The following KCNQ1OT1 variants were observed in gnomAD, a reference collection of about 807,000 sequenced individuals.
KCNQ1OT1 encodes the protein KCNQ1 antisense RNA 2 (non-protein coding).
In KCNQ1OT1 at chr11:2,677,355, A is replaced by G. The variant is rs1006035489; in HGVS notation, n.22640T>C. The stretch of plus-strand genomic sequence containing the variant: ...TTCTCAAATAGAGACTGGGCAGAGT[A>G]GACCAGTTAGTTAATCAGTTGAAGA... On this transcript the variant is annotated non_coding_transcript_exon_variant, in exon 1 of 1. Coordinates refer to ENST00000597346, the Ensembl canonical transcript of KCNQ1OT1. This position sits in a 1 kb window ranked among gnomAD's most constrained non-coding sequence, Gnocchi z 4.5. The G allele has an allele frequency of 4.8e-5, 19 of 398,508 alleles. No homozygotes were observed. The highest frequency in any genetic ancestry group is 8.8e-5 in the Admixed American group (2 of 22,712). 24.7% of individuals were successfully genotyped at this position (398,508 alleles called of 1,614,324 possible).
exon 1 of KCNQ1OT1, chr11:2,610,866 C>T (rs2133790725): frequency 2.5e-6 from 1 of 398,116 alleles, no homozygotes; most frequent in East Asian, 3.6e-5. Flanking sequence ...AGCAGAGTGC[C>T]ACATAGCCTC....
Position 2,617,014 on chromosome 11 carries a change from A to G in KCNQ1OT1, n.82981T>C, listed in dbSNP as rs1312065032. The G allele has an allele frequency of 2.5e-6, 1 of 398,078 alleles. No homozygotes were observed. The highest frequency in any genetic ancestry group is 4.4e-5 in the Admixed American group (1 of 22,692). 24.7% of individuals were successfully genotyped at this position (398,078 alleles called of 1,614,324 possible). On this transcript the variant is annotated non_coding_transcript_exon_variant, in exon 1 of 1. Transcript: ENST00000597346. The surrounding 1 kb of genome is among the most constrained non-coding windows in gnomAD (Gnocchi z 4.6). ...TGCATATTTAGTGTATAAAACATAC[A>G]GTTAAATCGTTAACATAGTGATGCA...
chr11:2,696,702 C>T, exon 1 of KCNQ1OT1: 1 of 398,622 alleles, frequency 2.5e-6, no homozygotes, highest in Non-Finnish European at 4.4e-6. Context: ...TAAAATGTCT[C>T]TGCATATGGA....
chr11:2,627,231 A>T lies in KCNQ1OT1; in HGVS notation n.72764T>A, dbSNP rs1849275370. 2.5e-6 allele frequency: 1 copy of T among 398,456 alleles called. No homozygotes were observed. The highest frequency in any genetic ancestry group is 4.4e-6 in the Non-Finnish European group (1 of 226,064). The allele number at this position is 398,456 out of a possible 1,614,324, so 24.7% of individuals were successfully genotyped here. On this transcript the variant is annotated non_coding_transcript_exon_variant, in exon 1 of 1. Coordinates refer to ENST00000597346, the Ensembl canonical transcript of KCNQ1OT1. This position sits in a 1 kb window ranked among gnomAD's most constrained non-coding sequence, Gnocchi z 4.9. ...CAAATTAAAAGTGCATATATTTAAG[A>T]ACATATTTGACCTACTGTGAAATGA...
exon 1 of KCNQ1OT1, chr11:2,629,769 A>AG (rs1203800707): frequency 1.0e-5 from 4 of 398,298 alleles, no homozygotes; most frequent in Non-Finnish European, 1.8e-5. Context: ...CTGAATGCTG[A>AG]TTTTGTATCC....
At chr11:2,696,894 T>TA in exon 1 of KCNQ1OT1, 1 of 398,630 alleles carries the variant, frequency 2.5e-6, no homozygotes, top group East Asian at 3.6e-5. Context: ...TTTTGTTTTT[T>TA]GTTTTGAGTA....
At position 2,669,114 on chromosome 11, in the gene KCNQ1OT1, GCT is replaced by G. The variant is rs1286518404; in HGVS notation, n.30879_30880del. On this transcript the variant is annotated non_coding_transcript_exon_variant, in exon 1 of 1. Coordinates refer to ENST00000597346, the Ensembl canonical transcript of KCNQ1OT1. This position sits in a 1 kb window ranked among gnomAD's most constrained non-coding sequence, Gnocchi z 5.6. ...ACAATCAGCTCACTGGCTACGTGTG[GCT>G]CTGTTTCTGGACCCTATTGGGTGCC... 2.5e-6 allele frequency: 1 copy of G among 398,674 alleles called. No individual in the cohort carries two copies. The highest frequency in any genetic ancestry group is 4.4e-6 in the Non-Finnish European group (1 of 226,112). 24.7% of individuals were successfully genotyped at this position (398,674 alleles called of 1,614,324 possible).
At position 2,678,298 on chromosome 11, in the gene KCNQ1OT1, T is replaced by G; in HGVS notation, n.21697A>C. On this transcript the variant is annotated non_coding_transcript_exon_variant, in exon 1 of 1. Coordinates refer to ENST00000597346, the Ensembl canonical transcript of KCNQ1OT1. The surrounding 1 kb of genome is among the most constrained non-coding windows in gnomAD (Gnocchi z 4.9). ...ATTGTTTTAATAAATTCTTCCATGT[T>G]TTCTTCTATCATTTTTTATTTCATT... The G allele has an allele frequency of 5.0e-6, 2 of 398,466 alleles. No individual in the cohort carries two copies. 24.7% of individuals were successfully genotyped at this position (398,466 alleles called of 1,614,324 possible). A position where few individuals can be genotyped will look rare whatever the true frequency, so the allele number is the denominator to read the frequency against.
rs74046836 is a variant in KCNQ1OT1, at chr11:2,661,920, G to C, written n.38075C>G. On this transcript the variant is annotated non_coding_transcript_exon_variant, in exon 1 of 1. Transcript: ENST00000597346. The surrounding 1 kb of genome is among the most constrained non-coding windows in gnomAD (Gnocchi z 5.9). ...CTGGCTCCACAGCACTGGCAGGTTGGGTGGGAGGCCTAACGTGCTGTCCCC... is the reference window on the plus strand; with the variant it reads ...CTGGCTCCACAGCACTGGCAGGTTGCGTGGGAGGCCTAACGTGCTGTCCCC... 1,823 of 1,613,852 alleles carry C rather than the reference G, an allele frequency of 1.1e-3. 26 individuals carry two copies. The African/African-American group carries it at 0.022, about 19-fold the overall frequency.
rs1589983752 is a variant in KCNQ1OT1 at position 2,617,070 on chromosome 11, C to A, written n.82925G>T. Reference sequence around the variant, plus strand: ...ATATGTCCATCATCTCACAGTTATTCTTTTGTGTGTATGAGTGAGAAAAGC... The same window carrying A: ...ATATGTCCATCATCTCACAGTTATTATTTTGTGTGTATGAGTGAGAAAAGC... On this transcript the variant is annotated non_coding_transcript_exon_variant, in exon 1 of 1. Transcript: ENST00000597346. This position sits in a 1 kb window ranked among gnomAD's most constrained non-coding sequence, Gnocchi z 4.6. 5.0e-6 allele frequency: 2 copies of A among 397,952 alleles called. No homozygotes were observed. Among genetic ancestry groups the A allele is most frequent in the Admixed American group, 8.8e-5 (2 of 22,680 alleles). The allele number at this position is 397,952 out of a possible 1,614,324, so 24.7% of individuals were successfully genotyped here.
At chr11:2,634,010 G>C (rs770209224) in exon 1 of KCNQ1OT1, 33 of 398,442 alleles carry the variant, frequency 8.3e-5, no homozygotes, top group Admixed American at 2.6e-4. Flanking sequence ...TTTGATGTCA[G>C]GCAGTGTAGT....
Position 2,695,179 on chromosome 11 carries a change from C to T in KCNQ1OT1, n.4816G>A. The T allele has an allele frequency of 2.5e-6, 1 of 398,612 alleles. No homozygotes were observed. The allele number at this position is 398,612 out of a possible 1,614,324, so 24.7% of individuals were successfully genotyped here. ...GGACTCTGCACAGAGTTGATCACAG[C>T]CCTCAGCCTATGAAACACTGTCACC... is the stretch of plus-strand genomic sequence containing the variant. On this transcript the variant is annotated non_coding_transcript_exon_variant, in exon 1 of 1. Coordinates refer to ENST00000597346, the Ensembl canonical transcript of KCNQ1OT1. This position sits in a 1 kb window ranked among gnomAD's most constrained non-coding sequence, Gnocchi z 5.2.
In KCNQ1OT1 at chr11:2,699,553, C is replaced by G. The variant is rs191701792; in HGVS notation, n.442G>C. On this transcript the variant is annotated non_coding_transcript_exon_variant, in exon 1 of 1. Coordinates refer to ENST00000597346, the Ensembl canonical transcript of KCNQ1OT1. ...CTGAGGAGGCCCAGGGAGGACCGCG[C>G]GGAGGAGAACCATGCTGAGGAGCCC... is the stretch of plus-strand genomic sequence containing the variant. 1.6e-3 allele frequency: 523 copies of G among 332,588 alleles called. 2 individuals are homozygous for G. Among genetic ancestry groups the G allele is most frequent in the Non-Finnish European group, 2.4e-3 (458 of 194,538 alleles). The allele number at this position is 332,588 out of a possible 1,614,324, so 20.6% of individuals were successfully genotyped here. A position where few individuals can be genotyped will look rare whatever the true frequency, so the allele number is the denominator to read the frequency against.
chr11:2,615,193 G>A (rs1849041564), exon 1 of KCNQ1OT1: 1 of 397,696 alleles, frequency 2.5e-6, no homozygotes. Context: ...TTCCTTCTTG[G>A]GCTGTTCATT....
exon 1 of KCNQ1OT1, chr11:2,675,443 A>G (rs1850276762): frequency 2.5e-6 from 1 of 398,546 alleles, no homozygotes; most frequent in Non-Finnish European, 4.4e-6. Context: ...AAAATAAAAG[A>G]TGATCTGAAA....
In KCNQ1OT1 at chr11:2,623,909, C is replaced by A. The variant is rs945047709; in HGVS notation, n.76086G>T. On this transcript the variant is annotated non_coding_transcript_exon_variant, in exon 1 of 1. Coordinates refer to ENST00000597346, the Ensembl canonical transcript of KCNQ1OT1. The surrounding 1 kb of genome is among the most constrained non-coding windows in gnomAD (Gnocchi z 5.2). ...ACATTCAGAAGTGGAATTGATGGAT[C>A]CTATGATAATTCCATTTTTAATTCT... 27 of 398,408 alleles carry A rather than the reference C, an allele frequency of 6.8e-5. No homozygotes were observed. The highest frequency in any genetic ancestry group is 5.6e-4 in the African/African-American group (27 of 48,586). 24.7% of individuals were successfully genotyped at this position (398,408 alleles called of 1,614,324 possible).
rs1200376110 is a variant in KCNQ1OT1, at chr11:2,683,930, TAGTC to T, written n.16061_16064del. On this transcript the variant is annotated non_coding_transcript_exon_variant, in exon 1 of 1. Coordinates refer to ENST00000597346, the Ensembl canonical transcript of KCNQ1OT1. This position sits in a 1 kb window ranked among gnomAD's most constrained non-coding sequence, Gnocchi z 4.7. ...GGTGCATGCTCTGTGACACGTTTCATAGTCAGACAAAACCAGCTGACTGCTTTTA... is the reference window on the plus strand; with the variant it reads ...GGTGCATGCTCTGTGACACGTTTCATAGACAAAACCAGCTGACTGCTTTTA... 14 of 397,056 alleles carry T rather than the reference TAGTC, an allele frequency of 3.5e-5. No individual in the cohort carries two copies. Among genetic ancestry groups the T allele is most frequent in the South Asian group, 1.3e-4 (1 of 7,834 alleles). 24.6% of individuals were successfully genotyped at this position (397,056 alleles called of 1,614,324 possible).
At position 2,674,832 on chromosome 11, in the gene KCNQ1OT1, TAAAAAAA is replaced by T. The variant is rs34219164; in HGVS notation, n.25156_25162del. 3.9e-5 allele frequency: 12 copies of T among 303,862 alleles called. No homozygotes were observed. The highest frequency in any genetic ancestry group is 2.2e-4 in the South Asian group (1 of 4,454). The allele number at this position is 303,862 out of a possible 1,614,324, so 18.8% of individuals were successfully genotyped here. A position where few individuals can be genotyped will look rare whatever the true frequency, so the allele number is the denominator to read the frequency against. On this transcript the variant is annotated non_coding_transcript_exon_variant, in exon 1 of 1. Coordinates refer to ENST00000597346, the Ensembl canonical transcript of KCNQ1OT1. The surrounding 1 kb of genome is among the most constrained non-coding windows in gnomAD (Gnocchi z 5.9). ...GCTTGTCACCCTAATAGCTGTTTTT[TAAAAAAA>T]AAAAAAAAAAAAAAAAAAAAAGCTC...
chr11:2,635,202 A>C lies in KCNQ1OT1; in HGVS notation n.64793T>G, dbSNP rs112061258. On this transcript the variant is annotated non_coding_transcript_exon_variant, in exon 1 of 1. Coordinates refer to ENST00000597346, the Ensembl canonical transcript of KCNQ1OT1. ...TTAGTTTAATTAGATCCCATTTGTC[A>C]ATTTTGGCTTTTGTTGCCATTGCTT... 21 of 152,114 alleles carry C rather than the reference A, an allele frequency of 1.4e-4. No homozygotes were observed. In the South Asian group the frequency reaches 4.1e-3, roughly 30 times the overall value. The allele number at this position is 152,114 out of a possible 1,614,324, so 9.4% of individuals were successfully genotyped here.
Sources: allele counts gnomAD v4.1 joint callset, GRCh38; gene constraint gnomAD v4.1.1; non-coding constraint Gnocchi (gnomAD v3.1); transcripts MANE v1.5; gene names NCBI Gene and HGNC (gene_info 2026-07-23, HGNC 2026-07-21).